Variants in MICAL2 observed in about 807,000 individuals in gnomAD.
The protein encoded by MICAL2 is microtubule associated monooxygenase, calponin and LIM domain containing 2, also known as [F-actin]-monooxygenase MICAL2.
A neutral mutation model predicts 127.3 loss-of-function variants in MICAL2; 77 were observed. The observed-to-expected ratio is 0.60, with a 90% CI of 0.50 to 0.73. The LOEUF is 0.73. Ranked by LOEUF, MICAL2 falls within the 30% of genes least tolerant of loss-of-function variation. The pLI is 0.00. For synonymous variants in MICAL2, 570 were observed against 551.1 expected (o/e 1.03, Z -0.48); for missense variants, 1,351 against 1,434.4 (o/e 0.94, Z 0.94).
chr11:12,166,056 A>G (rs1349239034), intron 3 of MICAL2, among the ~76,000 whole-genome samples: 1 of 152,218 alleles, frequency 6.6e-6, no homozygotes, highest in African/African-American at 2.4e-5. Flanking sequence ...CGAATGTTAC[A>G]CCCGACTGAG....
At chr11:12,225,992 G>A (rs896812168) in intron 13 of MICAL2, among the ~76,000 whole-genome samples, 179 bp from the exon 14 acceptor site, 3 of 152,134 alleles carry the variant, frequency 2.0e-5, no homozygotes, top group African/African-American at 7.2e-5. Context: ...GTCCCTTCCT[G>A]ACCAGTGGAG....
intron 30 of MICAL2, chr11:12,323,831 A>G (rs1864326579): frequency 1.1e-6 from 1 of 908,540 alleles, no homozygotes; most frequent in African/African-American, 1.7e-5. Flanking sequence ...CTATCATTGC[A>G]GAGAGTTCTA....
At chr11:12,149,246 C>T (rs1021714129) in intron 2 of MICAL2, among the ~76,000 whole-genome samples, 8 of 151,674 alleles carry the variant, frequency 5.3e-5, no homozygotes, top group Admixed American at 3.9e-4. Flanking sequence ...TATGAGGGGG[C>T]GGGGAAGTGA....
chr11:12,309,834 C>T (rs1234913075), intron 29 of MICAL2, among the ~76,000 whole-genome samples: 1 of 152,076 alleles, frequency 6.6e-6, no homozygotes, highest in African/African-American at 2.4e-5. Context: ...TCCTTGCCAG[C>T]ATTTTTGATT....
At chr11:12,133,454 A>G (rs1425441409) in intron 1 of MICAL2, among the ~76,000 whole-genome samples, 2 of 152,150 alleles carry the variant, frequency 1.3e-5, no homozygotes, top group East Asian at 3.8e-4. Flanking sequence ...AATTAAAACC[A>G]TGCTATTAGT....
At chr11:12,275,589 C>A (rs1233199770), upstream of MICAL2, among the ~76,000 whole-genome samples, 2 of 152,192 alleles carry the variant, frequency 1.3e-5, no homozygotes, top group Non-Finnish European at 2.9e-5. Context: ...GAGTGACCAG[C>A]TGGGTCAAAT....
downstream of MICAL2, among the ~76,000 whole-genome samples, chr11:12,361,532 T>A (rs1175596583): frequency 2.6e-5 from 4 of 152,204 alleles, no homozygotes; most frequent in African/African-American, 9.6e-5. Context: ...GCAGTAAAAA[T>A]AAGTTTGTAT....
chr11:12,264,506 G>T (rs1863526190), downstream of MICAL2, among the ~76,000 whole-genome samples: 1 of 152,176 alleles, frequency 6.6e-6, no homozygotes, highest in African/African-American at 2.4e-5. Context: ...AAAGTCATCT[G>T]GTCCTCAGCC....
intron 29 of MICAL2, among the ~76,000 whole-genome samples, chr11:12,305,264 G>A (rs189159454): frequency 2.6e-5 from 4 of 152,086 alleles, no homozygotes; most frequent in African/African-American, 4.8e-5. Flanking sequence ...ACATGGTGGC[G>A]GGCAAGAGAA....
chr11:12,303,917 G>A (rs1221695731), intron 29 of MICAL2: 4 of 152,118 alleles, frequency 2.6e-5, no homozygotes, highest in Admixed American at 6.6e-5. Flanking sequence ...CATGCTCATA[G>A]TCCCACCTAC....
chr11:12,179,663 C>G (rs1444371391), intron 3 of MICAL2, among the ~76,000 whole-genome samples: 1 of 152,210 alleles, frequency 6.6e-6, no homozygotes, highest in Non-Finnish European at 1.5e-5. Context: ...CTGCTCAGTG[C>G]TCCTGACTTC....
At chr11:12,187,688 G>T (rs1380020473) in intron 3 of MICAL2, among the ~76,000 whole-genome samples, 1 of 152,200 alleles carries the variant, frequency 6.6e-6, no homozygotes, top group Non-Finnish European at 1.5e-5. Context: ...GTGACTGGGG[G>T]TTCCCGAGAG....
chr11:12,347,039 C>G (rs1270710486), intron 32 of MICAL2, among the ~76,000 whole-genome samples: 2 of 152,162 alleles, frequency 1.3e-5, no homozygotes, highest in Non-Finnish European at 2.9e-5. Flanking sequence ...TCAAAAAATG[C>G]CAGGCCTCCT....
chr11:12,207,469 G>A (rs1854852018), intron 4 of MICAL2, among the ~76,000 whole-genome samples: 1 of 152,200 alleles, frequency 6.6e-6, no homozygotes, highest in Non-Finnish European at 1.5e-5. Flanking sequence ...ACTCACTAGG[G>A]GAGTTTTGAA....
At chr11:12,140,522 T>C (rs1378990065) in intron 2 of MICAL2, among the ~76,000 whole-genome samples, 1 of 147,642 alleles carries the variant, frequency 6.8e-6, no homozygotes, top group African/African-American at 2.5e-5. Flanking sequence ...TTTTGGCCAC[T>C]CTCAACCATA....
chr11:12,131,880 T>C (rs559728807), intron 1 of MICAL2, among the ~76,000 whole-genome samples: 1 of 152,350 alleles, frequency 6.6e-6, no homozygotes, highest in South Asian at 2.1e-4. Flanking sequence ...GAATAATCCA[T>C]GCAAAGCACT....
chr11:12,346,187 G>A (rs1241702815), intron 32 of MICAL2, among the ~76,000 whole-genome samples: 2 of 152,204 alleles, frequency 1.3e-5, no homozygotes, highest in East Asian at 3.8e-4. Context: ...CCACCTGTGA[G>A]GGAGGAGCGG....
chr11:12,280,352 G>C (rs1204375978), intron 1 of MICAL2, among the ~76,000 whole-genome samples: 1 of 152,174 alleles, frequency 6.6e-6, no homozygotes, highest in Non-Finnish European at 1.5e-5. Flanking sequence ...TGCATTGCTG[G>C]GCCCCTTCTG....
chr11:12,233,742 T>C (rs1322207548), intron 15 of MICAL2, among the ~76,000 whole-genome samples: 2 of 152,244 alleles, frequency 1.3e-5, no homozygotes, highest in Admixed American at 6.5e-5. Flanking sequence ...AAGTTATTTA[T>C]TCTCATGTTC....
Sources: allele counts gnomAD v4.1 joint callset (sites outside exome capture counted in the v4.1 genomes callset), GRCh38; gene constraint gnomAD v4.1.1; transcripts MANE v1.5; gene names NCBI Gene and HGNC (gene_info 2026-07-23, HGNC 2026-07-21).